The following UNC45B variants were observed in gnomAD, a reference collection of about 807,000 sequenced individuals.
UNC45B encodes unc-45 myosin chaperone B.
In UNC45B, 78 loss-of-function variants were observed where a neutral mutation model predicts 98.7. The observed-to-expected ratio is 0.79, with a 90% CI of 0.66 to 0.95. The LOEUF (loss-of-function observed/expected upper bound fraction) is 0.95, where lower values mean the gene tolerates loss of function less well. Among genes scored for constraint, UNC45B ranks in the 40% least tolerant of loss-of-function variants. The probability of loss-of-function intolerance (pLI) is 0.00; values close to 1 mark genes in which losing one functional copy is unlikely to be tolerated. For missense variants in UNC45B, 1,225 were observed against 1,184.9 expected (o/e 1.03, Z -0.50); for synonymous variants, 462 against 480.4 (o/e 0.96, Z 0.50).
rs571779623 is a variant in UNC45B at position 35,147,887 on chromosome 17, G to A, written c.-24G>A. On this transcript the variant is annotated 5_prime_UTR_variant, in exon 1 of 20. Transcript: ENST00000394570. ...GAGCAGCATCACAAGAGGGCAGATC[G>A]AAAGCATCGTCCTTGCTGAAAAAGT... 1.6e-5 allele frequency: 3 copies of A among 190,966 alleles called. No individual in the cohort carries two copies. The highest frequency in any genetic ancestry group is 1.1e-4 in the South Asian group (1 of 9,372). The allele number at this position is 190,966 out of a possible 1,614,324, so 11.8% of individuals were successfully genotyped here.
chr17:35,162,433 A>C (rs920049534), intron 8 of UNC45B, among the ~76,000 whole-genome samples: 9 of 152,202 alleles, frequency 5.9e-5, no homozygotes, highest in African/African-American at 1.9e-4. Flanking sequence ...TACATAGCAC[A>C]AAATTTACTG....
chr17:35,185,995 CAT>C, intron 19 of UNC45B, among the ~76,000 whole-genome samples: 1 of 152,154 alleles, frequency 6.6e-6, no homozygotes, highest in East Asian at 1.9e-4. Flanking sequence ...TGTGCTGTGT[CAT>C]AGCATGATTT....
chr17:35,148,453 A>G (rs745674249), intron 2 of UNC45B, 22 bp downstream of exon 2: 27 of 1,609,044 alleles, frequency 1.7e-5, no homozygotes, highest in Non-Finnish European at 2.1e-5. Flanking sequence ...GGCAGGGCAC[A>G]GGGTGGGAGT....
chr17:35,162,589 C>T (rs559686814), intron 8 of UNC45B, among the ~76,000 whole-genome samples: 87 of 151,406 alleles, frequency 5.7e-4, no homozygotes, highest in African/African-American at 1.8e-3. Flanking sequence ...AAGCCACTTC[C>T]AGGCACTTTT....
intron 5 of UNC45B, 41 bp from the exon 6 acceptor site, chr17:35,154,533 C>T (rs764975518): frequency 4.4e-6 from 7 of 1,595,714 alleles, no homozygotes; most frequent in South Asian, 2.3e-5. Context: ...CCTGGGTGGC[C>T]GTACCTCCCT....
At chr17:35,177,696 C>T in intron 17 of UNC45B, 86 bp downstream of exon 17, 1 of 1,045,572 alleles carries the variant, frequency 9.6e-7, no homozygotes, top group Non-Finnish European at 1.4e-6. Flanking sequence ...TGAGAATGCT[C>T]TTCTCTGAAG....
intron 19 of UNC45B, among the ~76,000 whole-genome samples, chr17:35,186,032 G>T (rs984429150): frequency 1.3e-5 from 2 of 152,162 alleles, no homozygotes; most frequent in African/African-American, 4.8e-5. Context: ...AAGTGTGTGT[G>T]TGTGAAAAGG....
In UNC45B at chr17:35,176,052, T is replaced by A; in HGVS notation, c.2025+18T>A. The A allele has an allele frequency of 6.2e-7, 1 of 1,613,630 alleles. No homozygotes were observed. The highest frequency in any genetic ancestry group is 8.5e-7 in the Non-Finnish European group (1 of 1,179,646). ...GTGGCAAGGTAACTGGGCAGGTGCC[T>A]TCCTAGAAGGTGCCTTTGTGCATGC... On this transcript the variant is annotated intron_variant, in intron 15 of 19. Transcript: ENST00000394570.
chr17:35,178,397 C>A (rs938438967), intron 17 of UNC45B, among the ~76,000 whole-genome samples: 1 of 151,866 alleles, frequency 6.6e-6, no homozygotes, highest in Non-Finnish European at 1.5e-5. Flanking sequence ...TTGTTTTTTT[C>A]TTGTAAATTT....
At chr17:35,156,056 A>G (rs973335871) in intron 7 of UNC45B, among the ~76,000 whole-genome samples, 1 of 152,236 alleles carries the variant, frequency 6.6e-6, no homozygotes, top group Non-Finnish European at 1.5e-5. Flanking sequence ...AACAACGTCA[A>G]TGAACATTAG....
intron 7 of UNC45B, 81 bp downstream of exon 7, chr17:35,155,545 T>C (rs1441910537): frequency 2.1e-6 from 3 of 1,427,652 alleles, no homozygotes; most frequent in Non-Finnish European, 2.9e-6. Context: ...GAATTCCCTG[T>C]ATGTGGGGGT....
chr17:35,170,313 G>T, intron 12 of UNC45B, 58 bp downstream of exon 12: 1 of 1,493,238 alleles, frequency 6.7e-7, no homozygotes, highest in South Asian at 1.3e-5. Flanking sequence ...GCTGGGTCCA[G>T]ACCCACAGGG....
rs1259931465 is a variant in UNC45B at position 35,148,294 on chromosome 17, G to A, written c.31G>A (p.Glu11Lys). ...AGAGGTGGAAGCGGTACAGCTGAAG[G>A]AGGAAGGAAACCGGCATTTCCAGCT... MAEVEAVQLK[E>K]EGNRHFQLQD... Residue 11 changes from glutamate to lysine, a missense_variant, in exon 2 of 20, where the codon GAG becomes AAG. Transcript: ENST00000394570. The A allele has an allele frequency of 6.2e-7, 1 of 1,614,178 alleles. No homozygotes were observed. The highest frequency in any genetic ancestry group is 8.5e-7 in the Non-Finnish European group (1 of 1,180,030).
intron 7 of UNC45B, among the ~76,000 whole-genome samples, chr17:35,156,489 G>C (rs961229747): frequency 6.6e-6 from 1 of 152,150 alleles, no homozygotes; most frequent in Non-Finnish European, 1.5e-5. Flanking sequence ...AGCCGGGCAT[G>C]GTGGCGCATG....
chr17:35,151,389 C>T (rs1033955475), intron 4 of UNC45B, among the ~76,000 whole-genome samples: 1 of 152,120 alleles, frequency 6.6e-6, no homozygotes, highest in East Asian at 1.9e-4. Context: ...TGGGGTTTCA[C>T]CATGTTGGCC....
intron 14 of UNC45B, among the ~76,000 whole-genome samples, chr17:35,174,692 C>A (rs1013084620): frequency 2.6e-4 from 39 of 151,954 alleles, no homozygotes; most frequent in African/African-American, 9.4e-4. Flanking sequence ...CGGTGGTGTG[C>A]ACCTGTACTG....
rs1212343394 is a variant in UNC45B at position 35,188,451 on chromosome 17, G to C, written c.*1892G>C. On this transcript the variant is annotated 3_prime_UTR_variant, in exon 20 of 20. Transcript: ENST00000394570. The stretch of plus-strand genomic sequence containing the variant: ...GGGCCAGTTAGATAAAGTTCATCTT[G>C]TTTGGATTGGAGAGACTTTTTTTTT... The C allele has an allele frequency of 6.9e-6, 1 of 144,696 alleles. No individual in the cohort carries two copies. Among genetic ancestry groups the C allele is most frequent in the Non-Finnish European group, 1.5e-5 (1 of 67,134 alleles). The allele number at this position is 144,696 out of a possible 1,614,324, so 9.0% of individuals were successfully genotyped here.
Position 35,159,548 on chromosome 17 carries a change from G to A in UNC45B, c.979+3G>A, listed in dbSNP as rs771182089. On this transcript the variant is annotated splice_donor_region_variant and intron_variant, in intron 8 of 19. Transcript: ENST00000394570. ...TACCATCTATGTGGTGGATAATGGT[G>A]AGAAGAGGGGAAGGTTTGGGGCTTG... 1 of 1,612,154 alleles carries A rather than the reference G, an allele frequency of 6.2e-7. No homozygotes were observed. The highest frequency in any genetic ancestry group is 1.1e-5 in the South Asian group (1 of 90,866).
At chr17:35,178,753 A>T (rs1049688231) in intron 17 of UNC45B, among the ~76,000 whole-genome samples, 3 of 152,234 alleles carry the variant, frequency 2.0e-5, no homozygotes, top group Admixed American at 6.5e-5. Flanking sequence ...AGCTTTCTAC[A>T]TATGGCTAGC....
Sources: allele counts gnomAD v4.1 joint callset (sites outside exome capture counted in the v4.1 genomes callset), GRCh38; gene constraint gnomAD v4.1.1; transcripts MANE v1.5; gene names NCBI Gene and HGNC (gene_info 2026-07-23, HGNC 2026-07-21).